The following KLHL1 variants were observed in gnomAD, a reference collection of about 807,000 sequenced individuals.
KLHL1 encodes kelch-like protein 1.
In KLHL1, 47 loss-of-function variants were observed where a neutral mutation model predicts 77.7. That is an observed-to-expected ratio of 0.60 (90% CI 0.48 to 0.77). The LOEUF (loss-of-function observed/expected upper bound fraction) is 0.77. KLHL1 is among the 30% of genes least tolerant of loss of function. The probability of loss-of-function intolerance (pLI) is 0.00; values close to 1 mark genes in which losing one functional copy is unlikely to be tolerated. For synonymous variants in KLHL1, 360 were observed against 325.2 expected (o/e 1.11, Z -1.15); for missense variants, 925 against 910.8 (o/e 1.02, Z -0.20).
chr13:69,765,595 C>T (rs1875263009), intron 7 of KLHL1, among the ~76,000 whole-genome samples: 1 of 152,156 alleles, frequency 6.6e-6, no homozygotes, highest in Non-Finnish European at 1.5e-5. Flanking sequence ...TTGGCCACCA[C>T]ACTTTCTCTC....
intron 5 of KLHL1, among the ~76,000 whole-genome samples, chr13:69,847,752 A>C (rs1879527360): frequency 6.6e-6 from 1 of 151,482 alleles, no homozygotes; most frequent in African/African-American, 2.4e-5. Context: ...AAATAAACTC[A>C]GAATTTGAAT....
intron 8 of KLHL1, among the ~76,000 whole-genome samples, chr13:69,725,222 A>G (rs146694932): frequency 2.5e-4 from 38 of 152,336 alleles, no homozygotes; most frequent in Non-Finnish European, 3.7e-4. Flanking sequence ...AAAATATGTT[A>G]TGAAAAACAG....
chr13:70,008,957 T>C (rs1885468795), intron 1 of KLHL1, among the ~76,000 whole-genome samples: 1 of 152,278 alleles, frequency 6.6e-6, no homozygotes, highest in East Asian at 1.9e-4. Flanking sequence ...CTGGATTTTA[T>C]ATTTGTCATT....
At chr13:69,904,852 A>G (rs1450683839) in intron 4 of KLHL1, among the ~76,000 whole-genome samples, 4 of 152,114 alleles carry the variant, frequency 2.6e-5, no homozygotes, top group Non-Finnish European at 5.9e-5. Context: ...GATTCCTTTA[A>G]CTGCCTTGGA....
intron 2 of KLHL1, among the ~76,000 whole-genome samples, chr13:69,970,252 C>T (rs1884341399): frequency 6.6e-6 from 1 of 152,132 alleles, no homozygotes; most frequent in African/African-American, 2.4e-5. Context: ...TATCCCAGGA[C>T]ATTTCATTAT....
At chr13:69,887,649 T>C (rs1183065280) in intron 4 of KLHL1, among the ~76,000 whole-genome samples, 1 of 152,180 alleles carries the variant, frequency 6.6e-6, no homozygotes, top group Non-Finnish European at 1.5e-5. Context: ...TGCCACTTTA[T>C]AACAAGGGTC....
At chr13:69,868,608 T>A (rs1284066692) in intron 5 of KLHL1, among the ~76,000 whole-genome samples, 1 of 152,144 alleles carries the variant, frequency 6.6e-6, no homozygotes, top group Non-Finnish European at 1.5e-5. Flanking sequence ...ATGTATAATC[T>A]GAAAAATTGA....
chr13:70,012,247 T>G (rs1216929413), intron 1 of KLHL1, among the ~76,000 whole-genome samples: 5 of 152,156 alleles, frequency 3.3e-5, no homozygotes, highest in African/African-American at 9.7e-5. Context: ...CTGTCTTCCT[T>G]CCTTTCAGTT....
intron 1 of KLHL1, among the ~76,000 whole-genome samples, chr13:70,040,437 G>A (rs558007210): frequency 1.3e-5 from 2 of 152,250 alleles, no homozygotes; most frequent in South Asian, 2.1e-4. Context: ...ACCTGCACAT[G>A]TACCTGTGAA....
chr13:69,973,792 T>C (rs1450194597), intron 2 of KLHL1, among the ~76,000 whole-genome samples: 1 of 152,036 alleles, frequency 6.6e-6, no homozygotes, highest in Non-Finnish European at 1.5e-5. Flanking sequence ...TGTACATTAC[T>C]TGTAAAATAA....
At chr13:70,038,105 C>T (rs938086503) in intron 1 of KLHL1, among the ~76,000 whole-genome samples, 34 of 152,242 alleles carry the variant, frequency 2.2e-4, no homozygotes, top group African/African-American at 7.7e-4. Flanking sequence ...ACTTGTTTTC[C>T]ATCTTCACGT....
chr13:69,897,278 T>C (rs1275746807), intron 4 of KLHL1, among the ~76,000 whole-genome samples: 8 of 152,178 alleles, frequency 5.3e-5, no homozygotes, highest in Admixed American at 5.2e-4. Context: ...CTAAAAAAGC[T>C]GTGGAAGCAG....
At chr13:70,029,100 T>TG (rs1381988061) in intron 1 of KLHL1, among the ~76,000 whole-genome samples, 3 of 152,224 alleles carry the variant, frequency 2.0e-5, no homozygotes, top group African/African-American at 4.8e-5. Flanking sequence ...ATTTTCACTT[T>TG]TTGTCACCAT....
intron 5 of KLHL1, among the ~76,000 whole-genome samples, chr13:69,877,964 A>G (rs1013363475): frequency 5.3e-5 from 8 of 152,310 alleles, no homozygotes; most frequent in Admixed American, 3.3e-4. Flanking sequence ...GCCTACTAAT[A>G]AAACACATGG....
chr13:69,829,950 G>A (rs1333388097), intron 6 of KLHL1, among the ~76,000 whole-genome samples: 2 of 150,012 alleles, frequency 1.3e-5, no homozygotes, highest in African/African-American at 2.5e-5. Context: ...GCTAAAAGGA[G>A]TTCTAAATCT....
chr13:69,984,720 C>T (rs1398188848), intron 1 of KLHL1, among the ~76,000 whole-genome samples: 1 of 152,176 alleles, frequency 6.6e-6, no homozygotes, highest in Non-Finnish European at 1.5e-5. Flanking sequence ...TAACTTCACT[C>T]CATGTGTGTC....
At chr13:69,916,181 G>T (rs1882428298) in intron 4 of KLHL1, among the ~76,000 whole-genome samples, 1 of 152,038 alleles carries the variant, frequency 6.6e-6, no homozygotes, top group Non-Finnish European at 1.5e-5. Flanking sequence ...AGTCAGTGTG[G>T]CGATTCCTCA....
At chr13:70,054,985 A>G (rs1593706938) in intron 1 of KLHL1, among the ~76,000 whole-genome samples, 1 of 148,406 alleles carries the variant, frequency 6.7e-6, no homozygotes, top group African/African-American at 2.5e-5. Flanking sequence ...GGAGATAGAG[A>G]CATAAATTGG....
intron 7 of KLHL1, among the ~76,000 whole-genome samples, chr13:69,784,848 A>G (rs1277153732): frequency 6.7e-6 from 1 of 149,924 alleles, no homozygotes; most frequent in Non-Finnish European, 1.5e-5. Flanking sequence ...ATAGACATCT[A>G]CAGAACTCTC....
Sources: allele counts gnomAD v4.1 joint callset (sites outside exome capture counted in the v4.1 genomes callset), GRCh38; gene constraint gnomAD v4.1.1; transcripts MANE v1.5; gene names NCBI Gene and HGNC (gene_info 2026-07-23, HGNC 2026-07-21).